The following IER5 variants were observed in gnomAD, a reference collection of about 807,000 sequenced individuals.
IER5 encodes the protein immediate early response 5.
In IER5, 3 loss-of-function variants were observed where a neutral mutation model predicts 8.2. The observed-to-expected ratio is 0.36, with a 90% CI of 0.17 to 0.94. The LOEUF (loss-of-function observed/expected upper bound fraction) is 0.94. Ranked by LOEUF, IER5 falls within the 40% of genes least tolerant of loss-of-function variation. IER5 has a pLI of 0.43. For synonymous variants in IER5, 286 were observed against 230.1 expected (o/e 1.24, Z -2.20); for missense variants, 531 against 494.3 (o/e 1.07, Z -0.70).
rs529054721 is a variant in IER5 at position 181,091,195 on chromosome 1, T to C, written c.*1309T>C. The C allele has an allele frequency of 6.6e-6, 1 of 152,348 alleles. No homozygotes were observed. The highest frequency in any genetic ancestry group is 1.9e-4 in the East Asian group (1 of 5,192). The allele number at this position is 152,348 out of a possible 1,614,324, so 9.4% of individuals were successfully genotyped here. On this transcript the variant is annotated 3_prime_UTR_variant, in exon 1 of 1. Coordinates refer to ENST00000367577, the MANE Select transcript of IER5 (RefSeq NM_016545.5). ...GCCCCGCTTATCCACAAAAATGTTT[T>C]TCAGCAAAACTTTGTTTCCTGTTAA...
Position 181,088,869 on chromosome 1 carries a change from C to A in IER5, c.-34C>A, listed in dbSNP as rs776949300. 1 of 1,588,596 alleles carries A rather than the reference C, an allele frequency of 6.3e-7. No homozygotes were observed. Among genetic ancestry groups the A allele is most frequent in the Non-Finnish European group, 8.6e-7 (1 of 1,164,902 alleles). On this transcript the variant is annotated 5_prime_UTR_variant, in exon 1 of 1. Coordinates refer to ENST00000367577, the MANE Select transcript of IER5 (RefSeq NM_016545.5). ...TCCCTCCCAATTTCCAAACGTGTCACCCCGGCGCCGACGGCCCTGTGCAGG... is the reference window on the plus strand; with the variant it reads ...TCCCTCCCAATTTCCAAACGTGTCAACCCGGCGCCGACGGCCCTGTGCAGG...
chr1:181,090,054 T>G lies in IER5; in HGVS notation c.*168T>G, dbSNP rs1361453736. ...TGCCCCCGGGCGCATCTGGCTTATC[T>G]GGAGACCTGGGAGCTTGAGGCTCAT... On this transcript the variant is annotated 3_prime_UTR_variant, in exon 1 of 1. Coordinates refer to ENST00000367577, the MANE Select transcript of IER5 (RefSeq NM_016545.5). The G allele has an allele frequency of 2.6e-6, 2 of 782,646 alleles. No individual in the cohort carries two copies. Among genetic ancestry groups the G allele is most frequent in the African/African-American group, 3.5e-5 (2 of 56,664 alleles). The allele number at this position is 782,646 out of a possible 1,614,324, so 48.5% of individuals were successfully genotyped here.
chr1:181,089,813 C>T lies in IER5; in HGVS notation c.911C>T (p.Pro304Leu), dbSNP rs765377073. The T allele has an allele frequency of 5.6e-6, 9 of 1,613,640 alleles. No individual in the cohort carries two copies. In the African/African-American group the frequency reaches 1.1e-4, roughly 19 times the overall value. ...GEESGPEAAE[P>L]GQICCDKPVL... ...GAGAGCGGTCCGGAAGCCGCCGAGC[C>T]CGGGCAGATCTGCTGCGATAAGCCG... is the stretch of plus-strand genomic sequence containing the variant. Residue 304 changes from proline to leucine, a missense_variant, in exon 1 of 1, where the codon CCC becomes CTC. Coordinates refer to ENST00000367577, the MANE Select transcript of IER5 (RefSeq NM_016545.5).
rs1373017725 is a variant in IER5 at position 181,090,206 on chromosome 1, G to GGT, written c.*321_*322insTG. 1 of 364,140 alleles carries GGT rather than the reference G, an allele frequency of 2.7e-6. No homozygotes were observed. The highest frequency in any genetic ancestry group is 5.2e-6 in the Non-Finnish European group (1 of 191,762). 22.6% of individuals were successfully genotyped at this position (364,140 alleles called of 1,614,324 possible). On this transcript the variant is annotated 3_prime_UTR_variant, in exon 1 of 1. Transcript: ENST00000367577. ...CTTCCCCAGGGTTTAAGAGATTGGG[G>GGT]GCAGACAGGGACTTTCCTCTGCCGG...
rs1277485357 is a variant in IER5, at chr1:181,089,076, C to T, written c.174C>T (p.Ala58=). Residue 58 remains alanine, a synonymous_variant, in exon 1 of 1, where the codon GCC becomes GCT. Transcript: ENST00000367577. ...ACCCGTGCCCCGGCCTCTACCTGGCCGGTCCCGCTGGGACCCCGGCGCCGC... is the reference window on the plus strand; with the variant it reads ...ACCCGTGCCCCGGCCTCTACCTGGCTGGTCCCGCTGGGACCCCGGCGCCGC... ...LSDPCPGLYL[A]GPAGTPAPPP... 2 of 1,584,240 alleles carry T rather than the reference C, an allele frequency of 1.3e-6. No homozygotes were observed. Among genetic ancestry groups the T allele is most frequent in the African/African-American group, 1.4e-5 (1 of 73,594 alleles).
At position 181,088,733 on chromosome 1, in the gene IER5, C is replaced by T. The variant is rs973001216; in HGVS notation, c.-170C>T. On this transcript the variant is annotated 5_prime_UTR_variant, in exon 1 of 1. Transcript: ENST00000367577. ...ACCGGACCCGAAACGGGGAAGTTGTCTTGTTTGGAGAGGTTAGTAGAGCAG... is the reference window on the plus strand; with the variant it reads ...ACCGGACCCGAAACGGGGAAGTTGTTTTGTTTGGAGAGGTTAGTAGAGCAG... 9.5e-6 allele frequency: 6 copies of T among 631,542 alleles called. No homozygotes were observed. Among genetic ancestry groups the T allele is most frequent in the South Asian group, 4.3e-5 (2 of 46,178 alleles). 39.1% of individuals were successfully genotyped at this position (631,542 alleles called of 1,614,324 possible). A position where few individuals can be genotyped will look rare whatever the true frequency, so the allele number is the denominator to read the frequency against.
Position 181,092,886 on chromosome 1 carries a change from CTA to C in IER5, c.*3002_*3003del, listed in dbSNP as rs1228746760. On this transcript the variant is annotated 3_prime_UTR_variant, in exon 1 of 1. Coordinates refer to ENST00000367577, the MANE Select transcript of IER5 (RefSeq NM_016545.5). ...GTAAGAAAAGAGGAGAATGGAGAAT[CTA>C]TTTTTAAGTGGTCCTATGTGTGAAT... 2.6e-5 allele frequency: 4 copies of C among 152,204 alleles called. No homozygotes were observed. The highest frequency in any genetic ancestry group is 9.7e-5 in the African/African-American group (4 of 41,450). The allele number at this position is 152,204 out of a possible 1,614,324, so 9.4% of individuals were successfully genotyped here.
At position 181,089,117 on chromosome 1, in the gene IER5, C is replaced by T; in HGVS notation, c.215C>T (p.Pro72Leu). 1 of 1,415,944 alleles carries T rather than the reference C, an allele frequency of 7.1e-7. No individual in the cohort carries two copies. The highest frequency in any genetic ancestry group is 1.5e-5 in the South Asian group (1 of 65,056). 87.7% of individuals were successfully genotyped at this position (1,415,944 alleles called of 1,614,324 possible). A position where few individuals can be genotyped will look rare whatever the true frequency, so the allele number is the denominator to read the frequency against. ...GTPAPPPQQQPGEPAAGPPAG... is the reference protein window; with the variant it reads ...GTPAPPPQQQLGEPAAGPPAG... Reference sequence around the variant, plus strand: ...CCGGCGCCGCCACCGCAGCAGCAGCCCGGGGAGCCGGCGGCCGGGCCACCC... The same window carrying T: ...CCGGCGCCGCCACCGCAGCAGCAGCTCGGGGAGCCGGCGGCCGGGCCACCC... The change falls in exon 1 of 1, where the codon CCC becomes CTC. Residue 72 changes from proline (P) to leucine (L), a missense_variant. By Grantham distance (98) the Pro-to-Leu change is moderately conservative. Coordinates refer to ENST00000367577, the MANE Select transcript of IER5 (RefSeq NM_016545.5).
In IER5 at chr1:181,091,431, G is replaced by A. The variant is rs1435153304; in HGVS notation, c.*1545G>A. On this transcript the variant is annotated 3_prime_UTR_variant, in exon 1 of 1. Transcript: ENST00000367577. ...CTAGAAAGTAAATATATTGCTGAGA[G>A]GGAAATTGTTTGCATCAAACCAGAT... is the stretch of plus-strand genomic sequence containing the variant. 1 of 152,216 alleles carries A rather than the reference G, an allele frequency of 6.6e-6. No individual in the cohort carries two copies. The allele number at this position is 152,216 out of a possible 1,614,324, so 9.4% of individuals were successfully genotyped here.
chr1:181,089,653 A>G lies in IER5; in HGVS notation c.751A>G (p.Ser251Gly). ...CCGCCGGAACTTAGAGCAGCCGCCG[A>G]GTGGAGGAGAGGACGACGACGCGGA... ...KPRRNLEQPP[S>G]GGEDDDAEEM... The change falls in exon 1 of 1, where the codon AGT becomes GGT. Residue 251 changes from serine (S) to glycine (G), a missense_variant. Physicochemically the swap from Ser to Gly is moderately conservative, Grantham distance 56. Transcript: ENST00000367577. 6.2e-7 allele frequency: 1 copy of G among 1,612,814 alleles called. No homozygotes were observed. Among genetic ancestry groups the G allele is most frequent in the Non-Finnish European group, 8.5e-7 (1 of 1,179,848 alleles).
rs41268462 is a variant in IER5, at chr1:181,088,878, C to G, written c.-25C>G. The G allele has an allele frequency of 0.01, 16,622 of 1,610,476 alleles. 116 individuals are homozygous for G. The highest frequency in any genetic ancestry group is 0.011 in the Non-Finnish European group (12,986 of 1,178,436). Reference sequence around the variant, plus strand: ...ATTTCCAAACGTGTCACCCCGGCGCCGACGGCCCTGTGCAGGGGAAGCAGA... The same window carrying G: ...ATTTCCAAACGTGTCACCCCGGCGCGGACGGCCCTGTGCAGGGGAAGCAGA... On this transcript the variant is annotated 5_prime_UTR_variant, in exon 1 of 1. Transcript: ENST00000367577.
chr1:181,092,514 C>T lies in IER5; in HGVS notation c.*2628C>T, dbSNP rs186957764. The T allele has an allele frequency of 3.0e-3, 456 of 152,032 alleles. 1 individual carries two copies. The highest frequency in any genetic ancestry group is 5.2e-3 in the Non-Finnish European group (352 of 68,000). The allele number at this position is 152,032 out of a possible 1,614,324, so 9.4% of individuals were successfully genotyped here. ...TAAAGTGAGCTATGTTGACCAGGTTCGTCTTGAACTCCTGGCCTCAAGCAA... is the reference window on the plus strand; with the variant it reads ...TAAAGTGAGCTATGTTGACCAGGTTTGTCTTGAACTCCTGGCCTCAAGCAA... On this transcript the variant is annotated 3_prime_UTR_variant, in exon 1 of 1. Coordinates refer to ENST00000367577, the MANE Select transcript of IER5 (RefSeq NM_016545.5).
At position 181,089,288 on chromosome 1, in the gene IER5, T is replaced by A. The variant is rs1313486725; in HGVS notation, c.386T>A (p.Phe129Tyr). The change falls in exon 1 of 1, where the codon TTT (phenylalanine) becomes TAT (tyrosine). Residue 129 changes from phenylalanine (F) to tyrosine (Y), a missense_variant. Coordinates refer to ENST00000367577, the MANE Select transcript of IER5 (RefSeq NM_016545.5). ...VATVTGVGDVFQGGEADATEA... is the reference protein window; with the variant it reads ...VATVTGVGDVYQGGEADATEA... ...ACGGTGACTGGAGTCGGGGACGTTT[T>A]TCAGGGCGGAGAGGCGGACGCGACG... 1 of 1,557,740 alleles carries A rather than the reference T, an allele frequency of 6.4e-7. No homozygotes were observed. Among genetic ancestry groups the A allele is most frequent in the Non-Finnish European group, 8.7e-7 (1 of 1,154,240 alleles).
In IER5 at chr1:181,090,039, C is replaced by T. The variant is rs574424498; in HGVS notation, c.*153C>T. ...CTGGGCATCGCAAACTGCCCCCGGG[C>T]GCATCTGGCTTATCTGGAGACCTGG... is the stretch of plus-strand genomic sequence containing the variant. On this transcript the variant is annotated 3_prime_UTR_variant, in exon 1 of 1. Transcript: ENST00000367577. The T allele has an allele frequency of 1.8e-4, 170 of 919,616 alleles. 1 individual carries two copies. The African/African-American group carries it at 2.8e-3, about 15-fold the overall frequency. The allele number at this position is 919,616 out of a possible 1,614,324, so 57.0% of individuals were successfully genotyped here.
In IER5 at chr1:181,090,034, C is replaced by G; in HGVS notation, c.*148C>G. ...TGCCTCTGGGCATCGCAAACTGCCC[C>G]CGGGCGCATCTGGCTTATCTGGAGA... On this transcript the variant is annotated 3_prime_UTR_variant, in exon 1 of 1. Coordinates refer to ENST00000367577, the MANE Select transcript of IER5 (RefSeq NM_016545.5). The G allele has an allele frequency of 3.1e-6, 3 of 971,986 alleles. No individual in the cohort carries two copies. The highest frequency in any genetic ancestry group is 4.6e-6 in the Non-Finnish European group (3 of 651,316). The allele number at this position is 971,986 out of a possible 1,614,324, so 60.2% of individuals were successfully genotyped here.
rs2102432762 is a variant in IER5 at position 181,089,109 on chromosome 1, G to A, written c.207G>A (p.Gln69=). 1 of 1,475,292 alleles carries A rather than the reference G, an allele frequency of 6.8e-7. No homozygotes were observed. The highest frequency in any genetic ancestry group is 9.0e-7 in the Non-Finnish European group (1 of 1,113,830). 91.4% of individuals were successfully genotyped at this position (1,475,292 alleles called of 1,614,324 possible). ...CTGGGACCCCGGCGCCGCCACCGCA[G>A]CAGCAGCCCGGGGAGCCGGCGGCCG... ...GPAGTPAPPP[Q]QQPGEPAAGP... The change falls in exon 1 of 1, where the codon CAG becomes CAA. Residue 69 remains glutamine, a synonymous_variant. Transcript: ENST00000367577.
At position 181,089,769 on chromosome 1, in the gene IER5, AGAGGAAGAG is replaced by A. The variant is rs747262419; in HGVS notation, c.872_880del (p.Glu291_Glu293del). On this transcript the variant is annotated inframe_deletion, in exon 1 of 1. Transcript: ENST00000367577. ...TACGGAAAAGCCCCGGGGGCGGCAG[AGAGGAAGAG>A]GAGGGAGAGGAGAGCGGTCCGGAAG... 361 of 1,613,652 alleles carry A rather than the reference AGAGGAAGAG, an allele frequency of 2.2e-4. No individual in the cohort carries two copies. Among genetic ancestry groups the A allele is most frequent in the Non-Finnish European group, 2.8e-4 (333 of 1,179,898 alleles).
rs1463824950 is a variant in IER5, at chr1:181,091,101, G to T, written c.*1215G>T. 6.6e-6 allele frequency: 1 copy of T among 152,086 alleles called. No individual in the cohort carries two copies. Among genetic ancestry groups the T allele is most frequent in the East Asian group, 1.9e-4 (1 of 5,192 alleles). 9.4% of individuals were successfully genotyped at this position (152,086 alleles called of 1,614,324 possible). A position where few individuals can be genotyped will look rare whatever the true frequency, so the allele number is the denominator to read the frequency against. ...TGCCACTACAACTGCCTTTTCTAAG[G>T]TCAGTTTAGACCAATTTGTCACCCA... On this transcript the variant is annotated 3_prime_UTR_variant, in exon 1 of 1. Coordinates refer to ENST00000367577, the MANE Select transcript of IER5 (RefSeq NM_016545.5).
Position 181,089,967 on chromosome 1 carries a change from C to CG in IER5, c.*82dup. 6.5e-7 allele frequency: 1 copy of CG among 1,527,214 alleles called. No individual in the cohort carries two copies. The highest frequency in any genetic ancestry group is 8.8e-7 in the Non-Finnish European group (1 of 1,137,082). 94.6% of individuals were successfully genotyped at this position (1,527,214 alleles called of 1,614,324 possible). Reference sequence around the variant, plus strand: ...GCCAGGCCCTTCCCGGCTGCGAGGACGCCCAGAGACCGCGGGCGCTGAGCG... The same window carrying CG: ...GCCAGGCCCTTCCCGGCTGCGAGGACGGCCCAGAGACCGCGGGCGCTGAGCG... On this transcript the variant is annotated 3_prime_UTR_variant, in exon 1 of 1. Coordinates refer to ENST00000367577, the MANE Select transcript of IER5 (RefSeq NM_016545.5).
Sources: gnomAD v4.1 joint callset for allele counts on GRCh38, gnomAD v4.1.1 for gene constraint, MANE v1.5 for transcripts, NCBI Gene and HGNC (gene_info 2026-07-23, HGNC 2026-07-21) for gene names.